The following FUT8 variants were observed in gnomAD, a reference collection of about 807,000 sequenced individuals.
FUT8 encodes fucosyltransferase 8, also known as alpha-(1,6)-fucosyltransferase.
Under a neutral mutation model 71.3 loss-of-function variants are expected in FUT8, and 29 were observed. That is an observed-to-expected ratio of 0.41 (90% CI 0.30 to 0.55). FUT8 has a LOEUF of 0.55. Among genes scored for constraint, FUT8 ranks in the 20% least tolerant of loss-of-function variants. The pLI, the probability that FUT8 is intolerant of heterozygous loss-of-function variation, is 0.34. For missense variants in FUT8, 544 were observed against 702.1 expected (o/e 0.77, Z 2.55); for synonymous variants, 254 against 239.3 (o/e 1.06, Z -0.57).
chr14:65,430,454 G>A (rs181885159), intron 1 of FUT8: 78 of 152,206 alleles, frequency 5.1e-4, no homozygotes, highest in African/African-American at 1.8e-3. Flanking sequence ...AATGAAAAGA[G>A]ACACTTTTTC....
At chr14:65,366,704 G>A in the FUT8 span, among the ~76,000 whole-genome samples, 2 of 152,132 alleles carry the variant, frequency 1.3e-5, no homozygotes, top group South Asian at 4.1e-4. Flanking sequence ...GTATCTTAGA[G>A]CCCTGGGAAA....
At chr14:65,694,073 C>CT (rs1893856732) in intron 7 of FUT8, among the ~76,000 whole-genome samples, 1 of 152,066 alleles carries the variant, frequency 6.6e-6, no homozygotes, top group Admixed American at 6.5e-5. Flanking sequence ...TTTGGGTCTT[C>CT]TCCCCTTCTT....
chr14:65,696,529 T>C (rs1203513393), intron 7 of FUT8, among the ~76,000 whole-genome samples: 1 of 152,168 alleles, frequency 6.6e-6, no homozygotes, highest in African/African-American at 2.4e-5. Context: ...TGTAGTTTTA[T>C]TTCTTTGGGG....
At chr14:65,482,531 C>T (rs2066347468) in intron 2 of FUT8, among the ~76,000 whole-genome samples, 2 of 152,126 alleles carry the variant, frequency 1.3e-5, no homozygotes, top group Admixed American at 1.3e-4. Flanking sequence ...TTGTGAAAAT[C>T]AATTTCTAAA....
At chr14:65,684,777 G>C (rs1893198200) in intron 7 of FUT8, among the ~76,000 whole-genome samples, 3 of 152,112 alleles carry the variant, frequency 2.0e-5, no homozygotes, top group South Asian at 4.1e-4. Flanking sequence ...TGTAAGACTT[G>C]CCTGTTTTGC....
chr14:65,675,641 A>G (rs1032313167), intron 7 of FUT8, among the ~76,000 whole-genome samples: 4 of 152,120 alleles, frequency 2.6e-5, no homozygotes, highest in Non-Finnish European at 5.9e-5. Context: ...CTTCTAGGTT[A>G]TTTACCTTCT....
chr14:65,378,007 G>C, the FUT8 span, among the ~76,000 whole-genome samples: 27 of 152,350 alleles, frequency 1.8e-4, no homozygotes, highest in Middle Eastern at 6.8e-3. Flanking sequence ...ATGAGGGGCA[G>C]AGGGAGAGCT....
At chr14:65,439,954 G>GTACGTA (rs1378430231) in intron 1 of FUT8, among the ~76,000 whole-genome samples, 1 of 74,984 alleles carries the variant, frequency 1.3e-5, no homozygotes, top group Non-Finnish European at 2.5e-5. Flanking sequence ...GTGTGTGTGT[G>GTACGTA]TATATATATA....
chr14:65,740,437 A>G (rs1188775788), intron 10 of FUT8, among the ~76,000 whole-genome samples: 3 of 152,000 alleles, frequency 2.0e-5, no homozygotes, highest in African/African-American at 7.2e-5. Flanking sequence ...ACCTAGTCAG[A>G]TTTTATTTGA....
Position 65,607,807 on chromosome 14 carries a change from T to TA in FUT8, c.204-8169dup, listed in dbSNP as rs1329700764. On this transcript the variant is annotated intron_variant, in intron 3 of 10. Transcript: ENST00000673929. The surrounding 1 kb of genome is among the most constrained non-coding windows in gnomAD (Gnocchi z 4.1). ...GGCCAGGCACGGTAGCTCATGCCTG[T>TA]AATCCCAGCACTTTGGGAGGCTGAA... 6.6e-6 allele frequency among the ~76,000 whole-genome samples: 1 copy of TA among 151,854 alleles called. No homozygotes were observed. The highest frequency in any genetic ancestry group is 1.9e-4 in the East Asian group (1 of 5,194).
chr14:65,582,291 A>C (rs1005553665), intron 3 of FUT8, among the ~76,000 whole-genome samples: 13 of 152,184 alleles, frequency 8.5e-5, no homozygotes, highest in Non-Finnish European at 1.3e-4. Flanking sequence ...GTGTTATACT[A>C]TTCTGAAATA....
At chr14:65,684,506 G>A (rs1306902703) in intron 7 of FUT8, among the ~76,000 whole-genome samples, 2 of 152,162 alleles carry the variant, frequency 1.3e-5, no homozygotes, top group Admixed American at 6.5e-5. Context: ...GAAAGAAATG[G>A]TTCCAAAAGC....
chr14:65,401,895 TAA>T, the FUT8 span, among the ~76,000 whole-genome samples: 53,216 of 104,506 alleles, frequency 0.51, 12,534 homozygotes, highest in Non-Finnish European at 0.57. Context: ...AGACCCTGTC[TAA>T]AAAAAAAAAA....
At chr14:65,459,986 G>C (rs2065948514) in intron 2 of FUT8, among the ~76,000 whole-genome samples, 1 of 152,194 alleles carries the variant, frequency 6.6e-6, no homozygotes. Flanking sequence ...TTGGATATTT[G>C]ATAGATAGGC....
chr14:65,684,147 G>C (rs1893165537), intron 7 of FUT8, among the ~76,000 whole-genome samples: 1 of 151,630 alleles, frequency 6.6e-6, no homozygotes, highest in Admixed American at 6.6e-5. Context: ...TTTTCAGTTT[G>C]ATAAAAAGAC....
In FUT8 at chr14:65,431,632, G is replaced by T. The variant is rs1172351311; in HGVS notation, c.-326+18418G>T. Among the ~76,000 whole-genome samples the T allele has an allele frequency of 3.3e-5, 5 of 149,578 alleles. No individual in the cohort carries two copies. The Admixed American group carries it at 3.4e-4, about 10-fold the overall frequency. On this transcript the variant is annotated intron_variant, in intron 1 of 10. Coordinates refer to ENST00000673929, the MANE Select transcript of FUT8 (RefSeq NM_001371533.1). ...TACTTCTTCCTAGGGCCTGATTCCA[G>T]TGTACTGCTCTTAGACTTTGTAGGT...
intron 2 of FUT8, among the ~76,000 whole-genome samples, chr14:65,498,997 A>G (rs928655360): frequency 6.6e-6 from 1 of 152,214 alleles, no homozygotes. Flanking sequence ...GTAGGGATGA[A>G]TTAAGGAGGC....
chr14:65,447,542 AT>A (rs1050093731), intron 1 of FUT8, among the ~76,000 whole-genome samples: 20 of 151,800 alleles, frequency 1.3e-4, no homozygotes, highest in African/African-American at 4.4e-4. Context: ...TCTTCTGAAA[AT>A]TTTTTTTCTT....
At position 65,472,633 on chromosome 14, in the gene FUT8, C is replaced by T. The variant is rs1487464503; in HGVS notation, c.-228+16915C>T. Among the ~76,000 whole-genome samples the T allele has an allele frequency of 6.6e-6, 1 of 151,278 alleles. No homozygotes were observed. Among genetic ancestry groups the T allele is most frequent in the African/African-American group, 2.4e-5 (1 of 41,208 alleles). On this transcript the variant is annotated intron_variant, in intron 2 of 10. Coordinates refer to ENST00000673929, the MANE Select transcript of FUT8 (RefSeq NM_001371533.1). The surrounding 1 kb of genome is among the most constrained non-coding windows in gnomAD (Gnocchi z 4.4). ...GTCATGTCAGGCTTTACTAATTGCA[C>T]TTCTGATAAGTATACTGATGATGCT... is the stretch of plus-strand genomic sequence containing the variant.
Sources: allele counts gnomAD v4.1 joint callset (sites outside exome capture counted in the v4.1 genomes callset), GRCh38; gene constraint gnomAD v4.1.1; non-coding constraint Gnocchi (gnomAD v3.1); transcripts MANE v1.5; gene names NCBI Gene and HGNC (gene_info 2026-07-23, HGNC 2026-07-21).